Variants in ENTREP1 observed in about 807,000 individuals in gnomAD.
The protein encoded by ENTREP1 is endosomal transmembrane epsin interactor 1, also known as Friedreich ataxia region gene X123.
At chr9:69,359,146 C>G in the ENTREP1 span, among the ~76,000 whole-genome samples, 271 of 151,994 alleles carry the variant, frequency 1.8e-3, 2 homozygotes, top group Middle Eastern at 0.02. Context: ...CCTCAAGTGA[C>G]CCGCCCGCCT....
the ENTREP1 span, among the ~76,000 whole-genome samples, chr9:69,339,148 T>G: frequency 5.9e-5 from 9 of 151,962 alleles, no homozygotes; most frequent in Non-Finnish European, 1.2e-4. Context: ...GTCTCCTGAG[T>G]AGCTGGGACT....
At chr9:69,331,892 A>G in the ENTREP1 span, among the ~76,000 whole-genome samples, 1 of 152,188 alleles carries the variant, frequency 6.6e-6, no homozygotes, top group Non-Finnish European at 1.5e-5. Flanking sequence ...ATGGAAGGAC[A>G]TTGTTAAGGG....
the ENTREP1 span, chr9:69,388,068 T>C: frequency 1.9e-6 from 3 of 1,609,044 alleles, no homozygotes; most frequent in Non-Finnish European, 1.7e-6. Context: ...ATGCTTTCCA[T>C]GTTGAGTTTT....
chr9:69,367,704 AATAT>A, the ENTREP1 span, among the ~76,000 whole-genome samples: 1 of 105,062 alleles, frequency 9.5e-6, no homozygotes, highest in Non-Finnish European at 1.9e-5. Flanking sequence ...CATATATATA[AATAT>A]ATATATACAC....
chr9:69,363,281 A>G, the ENTREP1 span, among the ~76,000 whole-genome samples: 2 of 152,318 alleles, frequency 1.3e-5, no homozygotes, highest in Non-Finnish European at 2.9e-5. Context: ...CATTGGCTTC[A>G]GTAGAATTCA....
At chr9:69,374,676 C>T in the ENTREP1 span, among the ~76,000 whole-genome samples, 1 of 152,062 alleles carries the variant, frequency 6.6e-6, no homozygotes, top group African/African-American at 2.4e-5. Context: ...TTCAAATGTA[C>T]AGGCAGGATT....
At chr9:69,357,114 A>T in the ENTREP1 span, among the ~76,000 whole-genome samples, 1 of 152,060 alleles carries the variant, frequency 6.6e-6, no homozygotes, top group Non-Finnish European at 1.5e-5. Flanking sequence ...AAAAAAAAAA[A>T]AAATTTTGAA....
the ENTREP1 span, among the ~76,000 whole-genome samples, chr9:69,335,310 T>C: frequency 6.6e-6 from 1 of 152,020 alleles, no homozygotes; most frequent in African/African-American, 2.4e-5. Flanking sequence ...AAAAAAGAAA[T>C]GTGTGCAGAG....
chr9:69,335,283 A>G, the ENTREP1 span, among the ~76,000 whole-genome samples: 5 of 152,168 alleles, frequency 3.3e-5, no homozygotes, highest in East Asian at 7.7e-4. Flanking sequence ...CTCAATTATT[A>G]CAATAGAGTT....
At chr9:69,336,445 T>C in the ENTREP1 span, among the ~76,000 whole-genome samples, 1 of 152,220 alleles carries the variant, frequency 6.6e-6, no homozygotes, top group Non-Finnish European at 1.5e-5. Context: ...ATAATTTTGC[T>C]GGTTTTCTGG....
At chr9:69,377,311 A>G in the ENTREP1 span, 36 of 981,328 alleles carry the variant, frequency 3.7e-5, no homozygotes, top group Non-Finnish European at 5.0e-5. Flanking sequence ...GATTTTCTAC[A>G]TTGTATTCTG....
chr9:69,352,596 A>G, the ENTREP1 span, among the ~76,000 whole-genome samples: 80 of 152,334 alleles, frequency 5.3e-4, no homozygotes, highest in African/African-American at 1.9e-3. Flanking sequence ...AAACCAAGAC[A>G]CAGAGAGGTT....
the ENTREP1 span, chr9:69,387,164 G>A: frequency 2.0e-5 from 3 of 152,160 alleles, no homozygotes; most frequent in East Asian, 5.8e-4. Context: ...GAGTGTCTTT[G>A]GCGAGTGCTT....
the ENTREP1 span, among the ~76,000 whole-genome samples, chr9:69,340,486 C>T: frequency 6.6e-6 from 1 of 152,092 alleles, no homozygotes; most frequent in Non-Finnish European, 1.5e-5. Context: ...GTTTCTTATA[C>T]TAACATACTC....
At chr9:69,383,524 G>A in the ENTREP1 span, 30 of 1,555,698 alleles carry the variant, frequency 1.9e-5, no homozygotes. Context: ...ATGGAGAGGT[G>A]AGTGGTTTTC....
At chr9:69,382,524 G>C in the ENTREP1 span, 1 of 152,216 alleles carries the variant, frequency 6.6e-6, no homozygotes, top group Non-Finnish European at 1.5e-5. Flanking sequence ...GGTCAAGCAA[G>C]GGATGAGAGC....
the ENTREP1 span, among the ~76,000 whole-genome samples, chr9:69,340,693 GTA>G: frequency 1.3e-4 from 17 of 134,290 alleles, no homozygotes; most frequent in East Asian, 1.3e-3. Flanking sequence ...ATGTGTGTGT[GTA>G]TGTGTGTGTG....
the ENTREP1 span, chr9:69,391,844 C>A: frequency 2.6e-6 from 4 of 1,520,716 alleles, no homozygotes; most frequent in South Asian, 2.4e-5. Context: ...GGAAGGATCC[C>A]TCTCCTCTCT....
the ENTREP1 span, chr9:69,382,139 A>G: frequency 6.6e-6 from 1 of 152,318 alleles, no homozygotes; most frequent in Non-Finnish European, 1.5e-5. Flanking sequence ...TGCTCATTAA[A>G]GATGGAAGGC....
Sources: allele counts gnomAD v4.1 joint callset (sites outside exome capture counted in the v4.1 genomes callset), GRCh38; gene constraint gnomAD v4.1.1; transcripts MANE v1.5; gene names NCBI Gene and HGNC (gene_info 2026-07-23, HGNC 2026-07-21).